EPB41L1: variants seen among roughly 807,000 people sequenced by gnomAD.
EPB41L1 encodes the protein band 4.1-like protein 1.
Under a neutral mutation model 97.8 loss-of-function variants are expected in EPB41L1, and 29 were observed. The ratio of observed to expected loss-of-function variants is 0.30; its 90% confidence interval spans 0.22 to 0.40. The LOEUF is 0.40. Among genes scored for constraint, EPB41L1 ranks in the 10% least tolerant of loss-of-function variants. The pLI, the probability that EPB41L1 is intolerant of heterozygous loss-of-function variation, is 1.00. For synonymous variants in EPB41L1, 383 were observed against 459.2 expected, an observed-to-expected ratio of 0.83 and a Z score of 2.12; for missense variants, 812 against 1,162.3, an observed-to-expected ratio of 0.70 and a Z score of 4.38.
rs957503280 is a variant in EPB41L1 at position 36,158,888 on chromosome 20, C to T, written c.-15+3992C>T. Among the ~76,000 whole-genome samples, 9 of 152,278 alleles carry T rather than the reference C, an allele frequency of 5.9e-5. No homozygotes were observed. In the South Asian group the frequency reaches 8.3e-4, roughly 14 times the overall value. On this transcript the variant is annotated intron_variant, in intron 1 of 21. Coordinates refer to ENST00000338074, the MANE Select transcript of EPB41L1 (RefSeq NM_012156.2). ...CAAGGTGTTTCGACTTGACGTGAGCCGGGATGCTCTAGGAATCTTTGCAGG... is the reference window on the plus strand; with the variant it reads ...CAAGGTGTTTCGACTTGACGTGAGCTGGGATGCTCTAGGAATCTTTGCAGG...
At chr20:36,176,885 G>A (rs1345964785) in intron 3 of EPB41L1, among the ~76,000 whole-genome samples, 1 of 152,064 alleles carries the variant, frequency 6.6e-6, no homozygotes, top group Non-Finnish European at 1.5e-5. Flanking sequence ...GCCTGCCTTG[G>A]CCTCCCAAAG....
At chr20:36,182,220 C>A in intron 5 of EPB41L1, 52 bp from the exon 6 acceptor site, 2 of 1,545,348 alleles carry the variant, frequency 1.3e-6, no homozygotes, top group Non-Finnish European at 1.8e-6. Flanking sequence ...TGCATCTGGA[C>A]CACCCAGTGG....
At chr20:36,124,233 C>A (rs371426688) in intron 2 of EPB41L1, among the ~76,000 whole-genome samples, 1 of 152,016 alleles carries the variant, frequency 6.6e-6, no homozygotes, top group Non-Finnish European at 1.5e-5. Flanking sequence ...CCAGCCTGGG[C>A]GACAGAGTGA....
At chr20:36,108,874 C>A (rs961259387) in intron 1 of EPB41L1, among the ~76,000 whole-genome samples, 1 of 151,998 alleles carries the variant, frequency 6.6e-6, no homozygotes, top group East Asian at 1.9e-4. Flanking sequence ...CACCTCACCC[C>A]AGCCCGGGCC....
chr20:36,100,069 C>T lies in EPB41L1; in HGVS notation c.-65+8457C>T, dbSNP rs142433159. Among the ~76,000 whole-genome samples the T allele has an allele frequency of 3.5e-3, 538 of 152,280 alleles. 1 individual carries two copies. The highest frequency in any genetic ancestry group is 9.7e-3 in the African/African-American group (403 of 41,570). On this transcript the variant is annotated intron_variant, in intron 1 of 19. Coordinates refer to the EPB41L1 transcript ENST00000202028. Reference sequence around the variant, plus strand: ...CGGGGCTCTGGAGTCTAGATGTAACCCAAGGCTTCAGTGTCCCTGTTGACA... The same window carrying T: ...CGGGGCTCTGGAGTCTAGATGTAACTCAAGGCTTCAGTGTCCCTGTTGACA...
chr20:36,194,263 A>C lies in EPB41L1; in HGVS notation c.1352A>C (p.Asp451Ala), dbSNP rs374477689. The C allele has an allele frequency of 1.1e-4, 172 of 1,614,030 alleles. 1 individual carries two copies. The highest frequency in any genetic ancestry group is 2.0e-4 in the Admixed American group (12 of 59,996). The change falls in exon 12 of 22, where the codon GAC becomes GCC. Residue 451 changes from aspartate (D) to alanine (A), a missense_variant. Around this residue, in one of 3 missense-constraint regions of EPB41L1, gnomAD observed 498 missense variants for 622.7 expected, o/e 0.80. Coordinates refer to ENST00000338074, the MANE Select transcript of EPB41L1 (RefSeq NM_012156.2). ...SVSENHDAGP[D>A]GDKRDEDGES... Reference sequence around the variant, plus strand: ...AGCGAGAACCATGATGCAGGGCCTGACGGTGACAAGCGGGATGAGGATGGC... The same window carrying C: ...AGCGAGAACCATGATGCAGGGCCTGCCGGTGACAAGCGGGATGAGGATGGC...
At chr20:36,114,156 A>C (rs1195611166) in intron 2 of EPB41L1, among the ~76,000 whole-genome samples, 1 of 152,206 alleles carries the variant, frequency 6.6e-6, no homozygotes, top group Non-Finnish European at 1.5e-5. Context: ...GCAGATGAAC[A>C]CATCCGCCCT....
At position 36,212,165 on chromosome 20, in the gene EPB41L1, A is replaced by G. The variant is rs193168483; in HGVS notation, c.2080-107A>G. 3 of 1,042,912 alleles carry G rather than the reference A, an allele frequency of 2.9e-6. No homozygotes were observed. Among genetic ancestry groups the G allele is most frequent in the African/African-American group, 1.6e-5 (1 of 64,060 alleles). 64.6% of individuals were successfully genotyped at this position (1,042,912 alleles called of 1,614,324 possible). A position where few individuals can be genotyped will look rare whatever the true frequency, so the allele number is the denominator to read the frequency against. On this transcript the variant is annotated intron_variant, in intron 15 of 21. Transcript: ENST00000338074. The surrounding 1 kb of genome is among the most constrained non-coding windows in gnomAD (Gnocchi z 4.8). ...AGAGTACCCTTCCAGAGATGTGGCC[A>G]GCTGTGGGGATAGGAGATAGCCTGC...
chr20:36,158,481 G>A (rs1010313300), intron 1 of EPB41L1, among the ~76,000 whole-genome samples: 1 of 152,202 alleles, frequency 6.6e-6, no homozygotes, highest in Admixed American at 6.5e-5. Flanking sequence ...ACTTCCCCAG[G>A]TCAGAGGGGA....
At chr20:36,168,844 A>G (rs1165730559) in intron 1 of EPB41L1, among the ~76,000 whole-genome samples, 1 of 151,670 alleles carries the variant, frequency 6.6e-6, no homozygotes, top group Admixed American at 6.6e-5. Flanking sequence ...GAGCCGCCAC[A>G]CTGGGCCACT....
intron 17 of EPB41L1, among the ~76,000 whole-genome samples, chr20:36,217,842 T>A (rs2063535025): frequency 6.6e-6 from 1 of 152,064 alleles, no homozygotes; most frequent in African/African-American, 2.4e-5. Flanking sequence ...TTCTCACCTG[T>A]CCCTTGGTAG....
At position 36,188,512 on chromosome 20, in the gene EPB41L1, T is replaced by C. The variant is rs1434197934; in HGVS notation, c.1026+13T>C. 6.2e-7 allele frequency: 1 copy of C among 1,603,596 alleles called. No homozygotes were observed. Among genetic ancestry groups the C allele is most frequent in the African/African-American group, 1.4e-5 (1 of 73,678 alleles). On this transcript the variant is annotated intron_variant, in intron 9 of 21. Transcript: ENST00000338074. ...CCGGCCTGGGGAGGTGAGTCTGCCT[T>C]GGGAAACACTCCTCCTCACCGGAAT...
At position 36,197,902 on chromosome 20, in the gene EPB41L1, G is replaced by A. The variant is rs1266934113; in HGVS notation, c.1529G>A (p.Ser510Asn). ...PEDVLLKHQASINELKRTLKE... is the reference protein window; with the variant it reads ...PEDVLLKHQANINELKRTLKE... ...GATGTCTTGCTGAAGCACCAGGCCA[G>A]CATCAATGAGCTCAAAAGGACCCTG... The change falls in exon 14 of 22, where the codon AGC becomes AAC. Residue 510 changes from serine (S) to asparagine (N), a missense_variant. This residue lies in a region of EPB41L1 where 498 missense variants were observed against 622.7 expected (regional missense o/e 0.80). Transcript: ENST00000338074. 1 of 1,614,168 alleles carries A rather than the reference G, an allele frequency of 6.2e-7. No homozygotes were observed. The highest frequency in any genetic ancestry group is 1.1e-5 in the South Asian group (1 of 91,078).
chr20:36,143,316 G>T (rs950409512), intron 2 of EPB41L1, among the ~76,000 whole-genome samples: 15 of 152,064 alleles, frequency 9.9e-5, no homozygotes, highest in African/African-American at 3.6e-4. Context: ...GACAGCTAGT[G>T]GGGGTAGCAG....
intron 6 of EPB41L1, among the ~76,000 whole-genome samples, chr20:36,182,951 C>G (rs1000428587): frequency 3.3e-5 from 5 of 152,244 alleles, no homozygotes; most frequent in African/African-American, 1.2e-4. Context: ...TAGGACTCCC[C>G]ACAGAGAAAA....
chr20:36,180,897 A>G (rs2061445889), intron 5 of EPB41L1, among the ~76,000 whole-genome samples: 1 of 152,238 alleles, frequency 6.6e-6, no homozygotes, highest in Non-Finnish European at 1.5e-5. Context: ...CTCTGGGGCC[A>G]GATGGCCAGA....
At position 36,198,022 on chromosome 20, in the gene EPB41L1, C is replaced by T; in HGVS notation, c.1649C>T (p.Thr550Ile). Residue 550 changes from threonine (T) to isoleucine (I), a missense_variant, in exon 14 of 22, where the codon ACC (threonine) becomes ATC (isoleucine). Physicochemically the swap from Thr to Ile is moderately conservative, Grantham distance 89. Around this residue, in one of 3 missense-constraint regions of EPB41L1, gnomAD observed 498 missense variants for 622.7 expected, o/e 0.80. Coordinates refer to ENST00000338074, the MANE Select transcript of EPB41L1 (RefSeq NM_012156.2). ...CCCGCCTCCCCCTCCCCCAAGGGCA[C>T]CCCTGAGAAAGCCAATGAGGTAGGT... Reference protein sequence around the residue: ...SSPASPSPKGTPEKANERAGL... With the variant: ...SSPASPSPKGIPEKANERAGL... The T allele has an allele frequency of 1.2e-6, 2 of 1,613,494 alleles. No individual in the cohort carries two copies. Among genetic ancestry groups the T allele is most frequent in the Non-Finnish European group, 1.7e-6 (2 of 1,179,960 alleles).
chr20:36,115,629 C>T (rs938576208), intron 2 of EPB41L1, among the ~76,000 whole-genome samples: 2 of 152,192 alleles, frequency 1.3e-5, no homozygotes, highest in Non-Finnish European at 2.9e-5. Flanking sequence ...CTGTGGCTCA[C>T]ACCTGTAATC....
At chr20:36,122,705 A>G (rs2058793934) in intron 2 of EPB41L1, 1 of 152,336 alleles carries the variant, frequency 6.6e-6, no homozygotes, top group Non-Finnish European at 1.5e-5. Context: ...ACTGGAAGGC[A>G]GAAGCCACGC....
Sources: allele counts gnomAD v4.1 joint callset (sites outside exome capture counted in the v4.1 genomes callset), GRCh38; gene constraint gnomAD v4.1.1; regional missense constraint gnomAD v4.1.1; non-coding constraint Gnocchi (gnomAD v3.1); transcripts MANE v1.5; gene names NCBI Gene and HGNC (gene_info 2026-07-23, HGNC 2026-07-21).